Variants in WDR48 observed in about 807,000 individuals in gnomAD.
WDR48 encodes the protein WD repeat domain 48.
WDR48 carries 22 observed loss-of-function variants against 94.0 expected under a neutral mutation model. The observed-to-expected ratio is 0.23, with a 90% CI of 0.17 to 0.33. WDR48 has a LOEUF of 0.33. Ranked by LOEUF, WDR48 falls within the 10% of genes least tolerant of loss-of-function variation. The pLI, the probability that WDR48 is intolerant of heterozygous loss-of-function variation, is 1.00. For missense variants in WDR48, 541 were observed against 813.8 expected (o/e 0.66, Z 4.08); for synonymous variants, 278 against 280.5 (o/e 0.99, Z 0.09).
chr3:39,052,063 G>A lies in WDR48; in HGVS notation c.38G>A (p.Arg13Lys), dbSNP rs1173316294. 2.5e-6 allele frequency: 4 copies of A among 1,613,750 alleles called. No homozygotes were observed. Among genetic ancestry groups the A allele is most frequent in the East Asian group, 2.2e-5 (1 of 44,876 alleles). ...CACCGGCAGAACACAGCAGGGCGGA[G>A]GAAAGTGCAGGTATGGAAGCCCGGT... The part of the protein sequence containing the change: ...AHHRQNTAGR[R>K]KVQVSYVIRD... Residue 13 changes from arginine (R) to lysine (K), a missense_variant, in exon 1 of 19, where the codon AGG becomes AAG. Coordinates refer to ENST00000302313, the MANE Select transcript of WDR48 (RefSeq NM_020839.4).
chr3:39,055,907 C>T (rs1001202806), intron 1 of WDR48, among the ~76,000 whole-genome samples: 1 of 152,192 alleles, frequency 6.6e-6, no homozygotes, highest in Non-Finnish European at 1.5e-5. Flanking sequence ...AGCTAAATGC[C>T]AAGAGGACTT....
At position 39,088,123 on chromosome 3, in the gene WDR48, C is replaced by T; in HGVS notation, c.1475-5C>T. On this transcript the variant is annotated splice_polypyrimidine_tract_variant and splice_region_variant and intron_variant, in intron 14 of 18. Transcript: ENST00000302313. ...GATATTAACACCACCTGCATCTTTT[C>T]CTAGTAAATGGGGAGCAGGAGAACC... The T allele has an allele frequency of 1.2e-6, 2 of 1,613,880 alleles. No homozygotes were observed. The highest frequency in any genetic ancestry group is 1.7e-6 in the Non-Finnish European group (2 of 1,179,816).
At chr3:39,076,958 AATTT>A (rs149702530) in intron 8 of WDR48, among the ~76,000 whole-genome samples, 177 bp from the exon 9 acceptor site, 2,260 of 152,296 alleles carry the variant, frequency 0.015, 21 homozygotes, top group Non-Finnish European at 0.019. Flanking sequence ...TAGGGCTATG[AATTT>A]ATTTAGCAAA....
At chr3:39,080,384 C>T (rs748691240) in intron 11 of WDR48, among the ~76,000 whole-genome samples, 16 of 152,210 alleles carry the variant, frequency 1.1e-4, no homozygotes, top group Non-Finnish European at 1.9e-4. Context: ...GGTCATGTTA[C>T]AATAACTCCT....
At chr3:39,074,681 A>G in intron 7 of WDR48, 45 bp from the exon 8 acceptor site, 1 of 1,600,686 alleles carries the variant, frequency 6.2e-7, no homozygotes, top group Non-Finnish European at 8.6e-7. Flanking sequence ...ACAAGAAAGC[A>G]GGAACTTTGT....
rs1264359838 is a variant in WDR48, at chr3:39,066,537, G to C, written c.269-11G>C. 2 of 1,611,850 alleles carry C rather than the reference G, an allele frequency of 1.2e-6. No individual in the cohort carries two copies. The highest frequency in any genetic ancestry group is 1.3e-5 in the African/African-American group (1 of 74,810). On this transcript the variant is annotated splice_polypyrimidine_tract_variant and intron_variant, in intron 3 of 18. Coordinates refer to ENST00000302313, the MANE Select transcript of WDR48 (RefSeq NM_020839.4). ...CTACTAAGGAGTTTGTTAATTCTTT[G>C]CTTCTTCTAGTAATATCTGCTTCTT... is the stretch of plus-strand genomic sequence containing the variant.
intron 9 of WDR48, 148 bp from the exon 10 acceptor site, chr3:39,077,989 T>C: frequency 1.7e-6 from 1 of 594,798 alleles, no homozygotes; most frequent in Non-Finnish European, 3.0e-6. Context: ...GATAGATAAT[T>C]GTACTGTGAC....
intron 10 of WDR48, 150 bp downstream of exon 10, chr3:39,078,389 G>GT (rs955395155): frequency 1.0e-3 from 652 of 622,258 alleles, no homozygotes; most frequent in East Asian, 1.3e-3. Flanking sequence ...TAAGGAAAAG[G>GT]TTTTTTTTTG....
chr3:39,078,101 C>CATA (rs1434256531), intron 9 of WDR48, 36 bp from the exon 10 acceptor site: 5 of 1,481,814 alleles, frequency 3.4e-6, no homozygotes, highest in Non-Finnish European at 4.7e-6. Context: ...GCTTGTAGAG[C>CATA]ATAACATGAT....
intron 1 of WDR48, among the ~76,000 whole-genome samples, chr3:39,060,717 G>A (rs988359215): frequency 4.6e-5 from 7 of 152,146 alleles, no homozygotes; most frequent in Admixed American, 1.3e-4. Context: ...AGTGGCTCAC[G>A]CCTGTAATCC....
intron 6 of WDR48, 146 bp from the exon 7 acceptor site, chr3:39,069,497 T>C (rs762401582): frequency 3.7e-5 from 22 of 591,248 alleles, no homozygotes; most frequent in Non-Finnish European, 5.4e-5. Context: ...TTCCCTGAGG[T>C]TGGGAGGCTT....
At chr3:39,055,790 C>T (rs2032838392) in intron 1 of WDR48, among the ~76,000 whole-genome samples, 1 of 152,132 alleles carries the variant, frequency 6.6e-6, no homozygotes, top group South Asian at 2.1e-4. Context: ...CTCTCTGTGC[C>T]TCCATTTTTC....
chr3:39,067,178 G>A (rs556269413), intron 5 of WDR48, among the ~76,000 whole-genome samples: 25 of 152,112 alleles, frequency 1.6e-4, no homozygotes, highest in Non-Finnish European at 3.1e-4. Context: ...TTACTACTTC[G>A]TATCTCCCAC....
At chr3:39,086,923 G>A (rs1350371297) in intron 14 of WDR48, among the ~76,000 whole-genome samples, 1 of 152,170 alleles carries the variant, frequency 6.6e-6, no homozygotes, top group Admixed American at 6.5e-5. Flanking sequence ...CACAGCACCT[G>A]CAGCATACTC....
chr3:39,066,484 A>G, intron 3 of WDR48, 64 bp from the exon 4 acceptor site: 1 of 1,336,524 alleles, frequency 7.5e-7, no homozygotes, highest in Non-Finnish European at 1.1e-6. Context: ...CATTGTTGTA[A>G]GATAAGTTTT....
intron 17 of WDR48, among the ~76,000 whole-genome samples, chr3:39,092,259 T>TA (rs2035114770): frequency 1.3e-5 from 2 of 152,242 alleles, no homozygotes; most frequent in South Asian, 4.1e-4. Flanking sequence ...TAGTTGTTTT[T>TA]ATGGATACTT....
Position 39,085,606 on chromosome 3 carries a change from C to T in WDR48, c.1470C>T (p.Asn490=), listed in dbSNP as rs1300431513. Residue 490 remains asparagine, a synonymous_variant, in exon 14 of 19, where the codon AAC becomes AAT. Coordinates refer to ENST00000302313, the MANE Select transcript of WDR48 (RefSeq NM_020839.4). ...TGGATGAAGAGGAAAATGAAGTAAACCATGGTTAGTTTTTATATTCAGATA... is the reference window on the plus strand; with the variant it reads ...TGGATGAAGAGGAAAATGAAGTAAATCATGGTTAGTTTTTATATTCAGATA... ...NPMDEEENEV[N]HVNGEQENRV... 3.1e-6 allele frequency: 5 copies of T among 1,607,500 alleles called. No homozygotes were observed. In the South Asian group the frequency reaches 5.6e-5, roughly 18 times the overall value.
Position 39,075,044 on chromosome 3 carries a change from G to T in WDR48, c.897+94G>T, listed in dbSNP as rs78462179. ...AGCTATATTAAAACATGACTCAACTGCAGGGTTCGGAGGGGGAAGGTTTGT... is the reference window on the plus strand; with the variant it reads ...AGCTATATTAAAACATGACTCAACTTCAGGGTTCGGAGGGGGAAGGTTTGT... On this transcript the variant is annotated intron_variant, in intron 8 of 18. Coordinates refer to ENST00000302313, the MANE Select transcript of WDR48 (RefSeq NM_020839.4). 8.4e-4 allele frequency: 1,062 copies of T among 1,267,044 alleles called. 12 individuals carry two copies. The African/African-American group carries it at 0.012, about 14-fold the overall frequency. 78.5% of individuals were successfully genotyped at this position (1,267,044 alleles called of 1,614,324 possible). A position where few individuals can be genotyped will look rare whatever the true frequency, so the allele number is the denominator to read the frequency against.
At position 39,066,817 on chromosome 3, in the gene WDR48, A is replaced by G. The variant is rs1297404855; in HGVS notation, c.423A>G (p.Ile141Met). The change falls in exon 5 of 19, where the codon ATA becomes ATG. Residue 141 changes from isoleucine (I) to methionine (M), a missense_variant. Transcript: ENST00000302313. Reference protein sequence around the residue: ...LVASAGLDRQIFLWDVNTLTA... With the variant: ...LVASAGLDRQMFLWDVNTLTA... ...CATCAGCTGGGTTGGACAGACAAATATTCCTTTGGGATGTGAATACTCTAA... is the reference window on the plus strand; with the variant it reads ...CATCAGCTGGGTTGGACAGACAAATGTTCCTTTGGGATGTGAATACTCTAA... 4 of 1,614,052 alleles carry G rather than the reference A, an allele frequency of 2.5e-6. No homozygotes were observed. Among genetic ancestry groups the G allele is most frequent in the Non-Finnish European group, 3.4e-6 (4 of 1,179,940 alleles).
Sources: gnomAD v4.1 joint callset for allele counts (sites outside exome capture counted in the v4.1 genomes callset) on GRCh38, gnomAD v4.1.1 for gene constraint, MANE v1.5 for transcripts, NCBI Gene and HGNC (gene_info 2026-07-23, HGNC 2026-07-21) for gene names.